Variants in DNAAF1 observed in about 807,000 individuals in gnomAD.
DNAAF1 encodes the protein dynein assembly factor 1, axonemal.
In DNAAF1, 65 loss-of-function variants were observed where a neutral mutation model predicts 71.1. The observed-to-expected ratio is 0.91, with a 90% confidence interval of 0.75 to 1.12. DNAAF1 has a LOEUF of 1.12. Ranked by LOEUF, DNAAF1 falls within the 50% of genes most tolerant of loss-of-function variation. The pLI is 0.00. For synonymous variants in DNAAF1, 414 were observed against 354.6 expected (o/e 1.17, Z -1.88); for missense variants, 1,178 against 899.8 (o/e 1.31, Z -3.96).
chr16:84,176,536 G>A (rs1401475565), intron 11 of DNAAF1: 4 of 624,164 alleles, frequency 6.4e-6, no homozygotes, highest in African/African-American at 5.5e-5. Flanking sequence ...CTCTTGGGCA[G>A]CCGAGTCTGA....
rs781135187 is a variant in DNAAF1, at chr16:84,171,959, C to G, written c.1529-301C>G. Among the ~76,000 whole-genome samples the G allele has an allele frequency of 3.3e-5, 5 of 150,876 alleles. No homozygotes were observed. In the East Asian group the frequency reaches 5.9e-4, roughly 18 times the overall value. ...GTGGCACAATCTCGGCTCATTGCAA[C>G]CTCCCTCTCCCAGGTTCAAGCTATT... On this transcript the variant is annotated intron_variant, in intron 8 of 11. Coordinates refer to ENST00000378553, the MANE Select transcript of DNAAF1 (RefSeq NM_178452.6).
At chr16:84,158,512 G>A (rs182686825) in intron 5 of DNAAF1, among the ~76,000 whole-genome samples, 1 of 152,180 alleles carries the variant, frequency 6.6e-6, no homozygotes, top group South Asian at 2.1e-4. Context: ...GGTGCTGAGG[G>A]TTTGGACTTT....
intron 3 of DNAAF1, 118 bp downstream of exon 3, chr16:84,150,460 C>G (rs2087130936): frequency 1.2e-6 from 1 of 820,312 alleles, no homozygotes; most frequent in African/African-American, 1.7e-5. Context: ...CAGGAAATTT[C>G]AAAGTTTAGT....
intron 9 of DNAAF1, chr16:84,172,807 C>A: frequency 1.0e-5 from 11 of 1,056,806 alleles, no homozygotes; most frequent in East Asian, 7.8e-5. Flanking sequence ...GTGGACACCG[C>A]CCAGCAGGTA....
At chr16:84,147,422 CT>C (rs2086965262) in intron 1 of DNAAF1, among the ~76,000 whole-genome samples, 1 of 152,112 alleles carries the variant, frequency 6.6e-6, no homozygotes, top group Non-Finnish European at 1.5e-5. Flanking sequence ...TTTGAATGAC[CT>C]TTAAAAAAAT....
chr16:84,172,245 G>C lies in DNAAF1; in HGVS notation c.1529-15G>C, dbSNP rs763347913. 2.5e-6 allele frequency: 4 copies of C among 1,611,894 alleles called. No homozygotes were observed. The highest frequency in any genetic ancestry group is 3.3e-5 in the Admixed American group (2 of 59,812). On this transcript the variant is annotated splice_polypyrimidine_tract_variant and intron_variant, in intron 8 of 11. Transcript: ENST00000378553. ...GTGTGTTAAACTAACTCCAAGACTT[G>C]TTGTTGCTCTTTAGAACCGACTCCC...
intron 9 of DNAAF1, chr16:84,174,145 C>G (rs190421365): frequency 1.4e-5 from 14 of 993,512 alleles, no homozygotes; most frequent in African/African-American, 8.7e-5. Context: ...GAGTAACAAC[C>G]TAGGCACCGT....
At chr16:84,155,823 TC>T in intron 5 of DNAAF1, 74 bp downstream of exon 5, 1 of 1,561,050 alleles carries the variant, frequency 6.4e-7, no homozygotes, top group Non-Finnish European at 8.7e-7. Flanking sequence ...AAATATCAAG[TC>T]CTTTTGTCTT....
intron 6 of DNAAF1, among the ~76,000 whole-genome samples, chr16:84,160,127 T>C (rs1035724525): frequency 6.6e-6 from 1 of 152,250 alleles, no homozygotes; most frequent in African/African-American, 2.4e-5. Context: ...TCTAGTTGTT[T>C]TCTAGAGAGT....
intron 4 of DNAAF1, 137 bp downstream of exon 4, chr16:84,154,935 G>A: frequency 1.3e-6 from 1 of 786,706 alleles, no homozygotes; most frequent in Non-Finnish European, 2.1e-6. Context: ...TTGAGACAGA[G>A]TCTTGCTCTG....
At position 84,149,012 on chromosome 16, in the gene DNAAF1, A is replaced by G. The variant is rs1389007082; in HGVS notation, c.130A>G (p.Asn44Asp). The G allele has an allele frequency of 6.2e-7, 1 of 1,614,062 alleles. No individual in the cohort carries two copies. The highest frequency in any genetic ancestry group is 1.7e-5 in the Admixed American group (1 of 60,012). ...AGRGGCKEEI[N>D]DPKEICVGSS... ...TGATCTCTTTTATTTTACAGAAATT[A>G]ATGATCCTAAGGAAATATGTGTGGG... The change falls in exon 2 of 12, where the codon AAT becomes GAT. Residue 44 changes from asparagine (N) to aspartate (D), a missense_variant. Physicochemically the swap from Asn to Asp is conservative, Grantham distance 23 (BLOSUM62 1). Transcript: ENST00000378553.
rs1055626352 is a variant in DNAAF1, at chr16:84,177,736, T to G, written c.2073T>G (p.Thr691=). The G allele has an allele frequency of 1.9e-6, 3 of 1,613,764 alleles. No homozygotes were observed. The highest frequency in any genetic ancestry group is 2.5e-6 in the Non-Finnish European group (3 of 1,179,882). ...DFLAASSPVP[T]ESAATPPETC... is the part of the protein sequence containing the mutation. ...TCACCCTTCCTTCCACAGTGCCGAC[T>G]GAGAGCGCCGCCACACCCCCAGAGA... The change falls in exon 12 of 12, where the codon ACT becomes ACG. Residue 691 remains threonine (T), a synonymous_variant. Transcript: ENST00000378553.
intron 5 of DNAAF1, chr16:84,158,899 T>G: frequency 2.9e-6 from 1 of 342,128 alleles, no homozygotes; most frequent in Non-Finnish European, 4.1e-6. Context: ...CCCAGCTAAT[T>G]TTTGTATTTT....
At chr16:84,165,731 T>G in intron 6 of DNAAF1, 52 bp from the exon 7 acceptor site, 1 of 1,527,070 alleles carries the variant, frequency 6.5e-7, no homozygotes, top group Non-Finnish European at 9.1e-7. Flanking sequence ...GATCAGACAG[T>G]GTATGTTTGG....
chr16:84,175,895 A>C, intron 10 of DNAAF1, 38 bp from the exon 11 acceptor site: 1 of 1,610,784 alleles, frequency 6.2e-7, no homozygotes, highest in Non-Finnish European at 8.5e-7. Flanking sequence ...TCTGTTGTGA[A>C]AACAGAAACT....
chr16:84,159,998 A>G (rs1597439290), intron 6 of DNAAF1, among the ~76,000 whole-genome samples: 1 of 152,276 alleles, frequency 6.6e-6, no homozygotes, highest in East Asian at 1.9e-4. Flanking sequence ...TTTGATAAAT[A>G]TCTTTGTATC....
chr16:84,159,450 A>C (rs150067590), intron 5 of DNAAF1, among the ~76,000 whole-genome samples: 69 of 152,334 alleles, frequency 4.5e-4, no homozygotes, highest in African/African-American at 1.6e-3. Flanking sequence ...TAAGATCTGA[A>C]GTTCATGTGG....
chr16:84,166,375 T>C (rs1198813137), intron 7 of DNAAF1, among the ~76,000 whole-genome samples: 5 of 116,398 alleles, frequency 4.3e-5, no homozygotes, highest in South Asian at 4.2e-4. Context: ...TTTTTCTTTT[T>C]TTTTTTTTTT....
In DNAAF1 at chr16:84,177,802, G is replaced by T. The variant is rs550204299; in HGVS notation, c.2139G>T (p.Thr713=). ...GVAQPSQALP[T]WDLTAFPAPK... is the part of the protein sequence containing the mutation. ...CCCAGCCCAGCCAAGCTCTGCCCAC[G>T]TGGGACCTCACTGCATTCCCAGCAC... Residue 713 remains threonine, a synonymous_variant, in exon 12 of 12, where the codon ACG becomes ACT. Coordinates refer to ENST00000378553, the MANE Select transcript of DNAAF1 (RefSeq NM_178452.6). The T allele has an allele frequency of 1.2e-6, 2 of 1,614,058 alleles. No homozygotes were observed. The highest frequency in any genetic ancestry group is 4.5e-5 in the East Asian group (2 of 44,876).
Sources: gnomAD v4.1 joint callset for allele counts (sites outside exome capture counted in the v4.1 genomes callset) on GRCh38, gnomAD v4.1.1 for gene constraint, MANE v1.5 for transcripts, NCBI Gene and HGNC (gene_info 2026-07-23, HGNC 2026-07-21) for gene names.